Variants in RNGTT observed in about 807,000 individuals in gnomAD.
RNGTT encodes RNA guanylyltransferase and 5'-phosphatase.
Under a neutral mutation model 79.3 loss-of-function variants are expected in RNGTT, and 33 were observed. That is an observed-to-expected ratio of 0.42 (90% CI 0.32 to 0.56). RNGTT has a LOEUF of 0.56. Among genes scored for constraint, RNGTT ranks in the 20% least tolerant of loss-of-function variants. The pLI, the probability that RNGTT is intolerant of heterozygous loss-of-function variation, is 0.17. For missense variants in RNGTT, 497 were observed against 739.1 expected, an observed-to-expected ratio of 0.67 and a Z score of 3.80; for synonymous variants, 222 against 235.9, an observed-to-expected ratio of 0.94 and a Z score of 0.54.
At chr6:88,659,329 GTTGA>G (rs1774096583) in intron 14 of RNGTT, among the ~76,000 whole-genome samples, 1 of 152,120 alleles carries the variant, frequency 6.6e-6, no homozygotes, top group South Asian at 2.1e-4. Context: ...AATTTAGAAG[GTTGA>G]TTATTAAGCT....
intron 11 of RNGTT, among the ~76,000 whole-genome samples, chr6:88,802,475 A>T (rs1354975444): frequency 2.6e-5 from 4 of 152,228 alleles, no homozygotes; most frequent in Non-Finnish European, 5.9e-5. Context: ...CAACATGTAT[A>T]TCACTGATGG....
At chr6:88,840,958 A>C (rs1292894165) in intron 11 of RNGTT, among the ~76,000 whole-genome samples, 1 of 152,250 alleles carries the variant, frequency 6.6e-6, no homozygotes, top group African/African-American at 2.4e-5. Context: ...ATGACAGCAC[A>C]ACCTGTGAAA....
intron 12 of RNGTT, among the ~76,000 whole-genome samples, chr6:88,782,098 T>C (rs1032030434): frequency 3.3e-5 from 5 of 152,024 alleles, no homozygotes; most frequent in African/African-American, 1.2e-4. Context: ...TACTATGCCC[T>C]TTACACAGAA....
intron 4 of RNGTT, among the ~76,000 whole-genome samples, chr6:88,910,352 A>G (rs1305598620): frequency 6.6e-6 from 1 of 152,210 alleles, no homozygotes; most frequent in Non-Finnish European, 1.5e-5. Flanking sequence ...AACCGGCCTT[A>G]TAAGAGATGC....
chr6:88,860,583 C>T (rs1582553247), intron 8 of RNGTT, among the ~76,000 whole-genome samples: 1 of 152,144 alleles, frequency 6.6e-6, no homozygotes, highest in African/African-American at 2.4e-5. Context: ...TGGCTCTGGT[C>T]CTTGCTGCTG....
At chr6:88,713,940 C>T (rs558290041) in intron 13 of RNGTT, among the ~76,000 whole-genome samples, 9 of 152,186 alleles carry the variant, frequency 5.9e-5, no homozygotes, top group Non-Finnish European at 8.8e-5. Context: ...AATTTGGTTA[C>T]GGGCACGGTC....
intron 2 of RNGTT, among the ~76,000 whole-genome samples, chr6:88,929,847 C>CAT (rs1454684407): frequency 1.4e-5 from 2 of 147,796 alleles, no homozygotes; most frequent in Admixed American, 6.7e-5. Context: ...CATATACACA[C>CAT]ATATACATAT....
intron 8 of RNGTT, among the ~76,000 whole-genome samples, chr6:88,874,620 T>A (rs1334252038): frequency 6.6e-6 from 1 of 151,588 alleles, no homozygotes; most frequent in Non-Finnish European, 1.5e-5. Flanking sequence ...TAAGAGTATG[T>A]GAGCAAATAA....
rs150437011 is a variant in RNGTT at position 88,656,482 on chromosome 6, A to G, written c.1506+21871T>C. Among the ~76,000 whole-genome samples, 103 of 152,306 alleles carry G rather than the reference A, an allele frequency of 6.8e-4. No individual in the cohort carries two copies. In the Middle Eastern group the frequency reaches 0.01, roughly 15 times the overall value. On this transcript the variant is annotated intron_variant, in intron 14 of 15. Transcript: ENST00000369485. ...ATTTTCTCTGAAAACTTAATTTTTT[A>G]TGAATCTAGTATCTCTTTGGTTAAT...
chr6:88,720,418 A>G (rs1776668413), intron 13 of RNGTT, among the ~76,000 whole-genome samples: 1 of 152,038 alleles, frequency 6.6e-6, no homozygotes, highest in African/African-American at 2.4e-5. Context: ...ACACCACAAT[A>G]CACACATCAG....
At chr6:88,733,043 T>C (rs1476108198) in intron 13 of RNGTT, among the ~76,000 whole-genome samples, 7 of 152,314 alleles carry the variant, frequency 4.6e-5, no homozygotes, top group African/African-American at 1.7e-4. Flanking sequence ...AGAATGCCTA[T>C]GATAGGCTCA....
chr6:88,667,730 C>T lies in RNGTT; in HGVS notation c.1506+10623G>A, dbSNP rs999391393. On this transcript the variant is annotated intron_variant, in intron 14 of 15. Transcript: ENST00000369485. ...TTTGTGGCTGACTTGGTACAGAAGA[C>T]GGCAAAGGTATTGGGGATCACATGG... is the stretch of plus-strand genomic sequence containing the variant. 5.3e-5 allele frequency among the ~76,000 whole-genome samples: 8 copies of T among 152,208 alleles called. No homozygotes were observed. In the East Asian group the frequency reaches 5.8e-4, roughly 11 times the overall value.
chr6:88,676,031 G>A (rs945137030), intron 14 of RNGTT, among the ~76,000 whole-genome samples: 1 of 152,000 alleles, frequency 6.6e-6, no homozygotes. Context: ...ATCCGAACAG[G>A]CATTTTTATA....
chr6:88,961,520 T>C (rs1287977090), intron 1 of RNGTT, among the ~76,000 whole-genome samples: 11 of 151,950 alleles, frequency 7.2e-5, no homozygotes, highest in African/African-American at 2.7e-4. Context: ...CACTGCAACC[T>C]CCGTCTCCTG....
intron 13 of RNGTT, among the ~76,000 whole-genome samples, chr6:88,689,736 G>A (rs529317753): frequency 6.6e-6 from 1 of 151,764 alleles, no homozygotes; most frequent in South Asian, 2.1e-4. Flanking sequence ...TTACCAAACT[G>A]AAATTTAAAA....
chr6:88,806,295 CGTT>C (rs1172117408), intron 11 of RNGTT, among the ~76,000 whole-genome samples: 1 of 149,954 alleles, frequency 6.7e-6, no homozygotes, highest in Non-Finnish European at 1.5e-5. Context: ...ATGCTGGCAA[CGTT>C]GTCGAGAAAA....
chr6:88,890,599 T>C lies in RNGTT; in HGVS notation c.795-3A>G. On this transcript the variant is annotated splice_region_variant and splice_polypyrimidine_tract_variant and intron_variant, in intron 7 of 15. Coordinates refer to ENST00000369485, the MANE Select transcript of RNGTT (RefSeq NM_003800.5). ...GCTGTGCTCCAGGGAATCCAGACCT[T>C]AAAGAAGAACACAGTATTACTATCG... 1 of 1,605,572 alleles carries C rather than the reference T, an allele frequency of 6.2e-7. No individual in the cohort carries two copies. Among genetic ancestry groups the C allele is most frequent in the Admixed American group, 1.7e-5 (1 of 59,690 alleles).
At chr6:88,695,067 G>GA (rs1195667640) in intron 13 of RNGTT, among the ~76,000 whole-genome samples, 1 of 151,556 alleles carries the variant, frequency 6.6e-6, no homozygotes, top group South Asian at 2.1e-4. Context: ...AAAACTACTG[G>GA]AAAAAAAATA....
In RNGTT at chr6:88,636,212, A is replaced by G. The variant is rs550947648; in HGVS notation, c.1507-21817T>C. On this transcript the variant is annotated intron_variant, in intron 14 of 15. Coordinates refer to ENST00000369485, the MANE Select transcript of RNGTT (RefSeq NM_003800.5). Reference sequence around the variant, plus strand: ...TTGGAAAGCTCTCTCTGATACATACATTTGTTGAGTACCTTGGATTTGATG... The same window carrying G: ...TTGGAAAGCTCTCTCTGATACATACGTTTGTTGAGTACCTTGGATTTGATG... 3.9e-5 allele frequency among the ~76,000 whole-genome samples: 6 copies of G among 152,134 alleles called. No homozygotes were observed. In the East Asian group the frequency reaches 1.2e-3, roughly 29 times the overall value.
Sources: allele counts gnomAD v4.1 joint callset (sites outside exome capture counted in the v4.1 genomes callset), GRCh38; gene constraint gnomAD v4.1.1; transcripts MANE v1.5; gene names NCBI Gene and HGNC (gene_info 2026-07-23, HGNC 2026-07-21).